CCNH: variants seen among roughly 807,000 people sequenced by gnomAD.
CCNH encodes the protein cyclin-H.
In CCNH, 31 loss-of-function variants were observed where a neutral mutation model predicts 41.9. The ratio of observed to expected loss-of-function variants is 0.74; its 90% CI spans 0.56 to 1.00. The LOEUF is 1.00. Ranked by LOEUF, CCNH falls within the 50% of genes least tolerant of loss-of-function variation. The pLI, the probability that CCNH is intolerant of heterozygous loss-of-function variation, is 0.00. For synonymous variants in CCNH, 138 were observed against 136.1 expected, an observed-to-expected ratio of 1.01 and a Z score of -0.10; for missense variants, 362 against 388.4, an observed-to-expected ratio of 0.93 and a Z score of 0.57.
chr5:87,376,536 C>A lies in CCNH; in HGVS notation n.645G>T. On this transcript the variant is annotated non_coding_transcript_exon_variant, in exon 1 of 1. Coordinates refer to the CCNH transcript ENST00000607486. ...ACGATACTCTATGGAAAAAATCATGCCAGAAGAAGAGTACAGTGAATTTAA... is the reference window on the plus strand; with the variant it reads ...ACGATACTCTATGGAAAAAATCATGACAGAAGAAGAGTACAGTGAATTTAA... 2 of 1,613,786 alleles carry A rather than the reference C, an allele frequency of 1.2e-6. No homozygotes were observed. Among genetic ancestry groups the A allele is most frequent in the Non-Finnish European group, 1.7e-6 (2 of 1,179,900 alleles).
intron 9 of CCNH, chr5:87,369,807 T>G: frequency 6.2e-7 from 1 of 1,608,098 alleles, no homozygotes; most frequent in Non-Finnish European, 8.5e-7. Flanking sequence ...TGTTTTTATT[T>G]TAAAGGCCAA....
At position 87,412,879 on chromosome 5, in the gene CCNH, C is replaced by G; in HGVS notation, c.-85G>C. On this transcript the variant is annotated 5_prime_UTR_variant, in exon 1 of 9. Coordinates refer to ENST00000256897, the MANE Select transcript of CCNH (RefSeq NM_001239.4). ...CTGGCGTAAAACACCCGTACCCCCA[C>G]CGAAGATCTCGCGGAAGCCTAGGGC... The G allele has an allele frequency of 6.4e-7, 1 of 1,552,110 alleles. No individual in the cohort carries two copies. The highest frequency in any genetic ancestry group is 1.2e-5 in the South Asian group (1 of 86,598).
intron 9 of CCNH, chr5:87,383,659 A>G: frequency 7.5e-7 from 1 of 1,329,604 alleles, no homozygotes; most frequent in Admixed American, 2.0e-5. Flanking sequence ...TTAATGTAAC[A>G]CATTATATAG....
At chr5:87,389,683 C>A (rs556594532), downstream of CCNH, among the ~76,000 whole-genome samples, 1 of 152,140 alleles carries the variant, frequency 6.6e-6, no homozygotes, top group Non-Finnish European at 1.5e-5. Context: ...ACAGAAATAA[C>A]GGGCCCCGAC....
intron 9 of CCNH, among the ~76,000 whole-genome samples, chr5:87,322,181 A>G (rs898353009): frequency 2.6e-5 from 4 of 152,040 alleles, no homozygotes; most frequent in Middle Eastern, 3.2e-3. Context: ...CTCAACCCCT[A>G]CTCCATGGAC....
At chr5:87,363,698 A>T (rs533205921) in intron 9 of CCNH, among the ~76,000 whole-genome samples, 1 of 152,150 alleles carries the variant, frequency 6.6e-6, no homozygotes, top group East Asian at 1.9e-4. Flanking sequence ...GTTGCACAGA[A>T]ATCTTTGGCA....
chr5:87,369,464 T>G (rs776984395), intron 9 of CCNH, among the ~76,000 whole-genome samples: 11 of 152,160 alleles, frequency 7.2e-5, no homozygotes, highest in Non-Finnish European at 1.6e-4. Context: ...CTAAGAACAT[T>G]TCTAGTCTTT....
exon 1 of CCNH, chr5:87,377,042 T>TATG: frequency 6.2e-7 from 1 of 1,612,866 alleles, no homozygotes; most frequent in Non-Finnish European, 8.5e-7. Flanking sequence ...GCATGGAAGG[T>TATG]ATGGTATGGC....
chr5:87,379,228 G>A (rs145009564), upstream of CCNH, among the ~76,000 whole-genome samples: 407 of 152,216 alleles, frequency 2.7e-3, 5 homozygotes, highest in East Asian at 8.9e-3. Context: ...TTGGAAATGT[G>A]GGGTAATGCC....
chr5:87,388,068 G>A (rs916293014), downstream of CCNH, among the ~76,000 whole-genome samples: 1 of 152,066 alleles, frequency 6.6e-6, no homozygotes, highest in African/African-American at 2.4e-5. Flanking sequence ...CCCCAAACAT[G>A]AATAAAATAA....
At chr5:87,334,213 TC>T (rs1757798712) in intron 9 of CCNH, among the ~76,000 whole-genome samples, 1 of 152,130 alleles carries the variant, frequency 6.6e-6, no homozygotes, top group Admixed American at 6.6e-5. Flanking sequence ...TCAGTCTACA[TC>T]TGAAGACCTG....
intron 6 of CCNH, 110 bp from the exon 7 acceptor site, chr5:87,399,615 A>G (rs748905246): frequency 1.4e-5 from 10 of 707,852 alleles, no homozygotes; most frequent in Middle Eastern, 4.9e-4. Flanking sequence ...TCTTCAAATG[A>G]CATGGTTATT....
rs1477656013 is a variant in CCNH at position 87,412,901 on chromosome 5, G to A, written c.-107C>T. 8 of 1,505,558 alleles carry A rather than the reference G, an allele frequency of 5.3e-6. No individual in the cohort carries two copies. The highest frequency in any genetic ancestry group is 6.2e-6 in the Non-Finnish European group (7 of 1,127,178). The allele number at this position is 1,505,558 out of a possible 1,614,324, so 93.3% of individuals were successfully genotyped here. On this transcript the variant is annotated 5_prime_UTR_variant, in exon 1 of 9. Coordinates refer to ENST00000256897, the MANE Select transcript of CCNH (RefSeq NM_001239.4). The stretch of plus-strand genomic sequence containing the variant: ...CCACCGAAGATCTCGCGGAAGCCTA[G>A]GGCGTCCGGCTAGCCGGCGCTGGCG...
downstream of CCNH, among the ~76,000 whole-genome samples, chr5:87,371,448 ATATT>A (rs1760933434): frequency 6.6e-6 from 1 of 152,178 alleles, no homozygotes; most frequent in Non-Finnish European, 1.5e-5. Context: ...ACCAAAGTGA[ATATT>A]TAGATTTGTT....
intron 7 of CCNH, among the ~76,000 whole-genome samples, chr5:87,395,956 A>G (rs1323006546): frequency 2.6e-5 from 4 of 151,900 alleles, no homozygotes; most frequent in Non-Finnish European, 2.9e-5. Context: ...TCATATATAA[A>G]TAATATATCA....
rs543218804 is a variant in CCNH at position 87,397,353 on chromosome 5, T to A, written c.872+2041A>T. ...TATTGTATTTTTAGTAGAGACGGGG[T>A]TTCGCCATGTTGGCCAGGCTGGTCT... is the stretch of plus-strand genomic sequence containing the variant. On this transcript the variant is annotated intron_variant, in intron 7 of 8. Coordinates refer to ENST00000256897, the MANE Select transcript of CCNH (RefSeq NM_001239.4). Among the ~76,000 whole-genome samples the A allele has an allele frequency of 2.0e-5, 3 of 152,108 alleles. No individual in the cohort carries two copies. The East Asian group carries it at 5.8e-4, about 29-fold the overall frequency.
intron 9 of CCNH, among the ~76,000 whole-genome samples, chr5:87,365,883 T>A (rs1280767457): frequency 6.6e-6 from 1 of 152,068 alleles, no homozygotes; most frequent in Non-Finnish European, 1.5e-5. Context: ...ATTATATATA[T>A]GTTTGTCTGT....
intron 9 of CCNH, among the ~76,000 whole-genome samples, chr5:87,343,836 A>G (rs536286290): frequency 9.2e-5 from 14 of 152,264 alleles, no homozygotes; most frequent in Admixed American, 9.2e-4. Context: ...CAGTGGATGA[A>G]TGGATAAAGA....
chr5:87,391,017 C>A, downstream of CCNH: 1 of 895,334 alleles, frequency 1.1e-6, no homozygotes, highest in Non-Finnish European at 1.8e-6. Context: ...GCTATGCAAA[C>A]AAAATCCAAG....
Sources: gnomAD v4.1 joint callset for allele counts (sites outside exome capture counted in the v4.1 genomes callset) on GRCh38, gnomAD v4.1.1 for gene constraint, MANE v1.5 for transcripts, NCBI Gene and HGNC (gene_info 2026-07-23, HGNC 2026-07-21) for gene names.